The following EPHA4 variants were observed in gnomAD, a reference collection of about 807,000 sequenced individuals.
EPHA4 encodes ephrin type-A receptor 4.
EPHA4 carries 19 observed loss-of-function variants against 108.3 expected under a neutral mutation model. That is an observed-to-expected ratio of 0.18 (90% CI 0.12 to 0.26). EPHA4 has a LOEUF of 0.26. Among genes scored for constraint, EPHA4 ranks in the 10% least tolerant of loss-of-function variants. The pLI, the probability that EPHA4 is intolerant of heterozygous loss-of-function variation, is 1.00. For synonymous variants in EPHA4, 449 were observed against 455.5 expected (o/e 0.99, Z 0.18); for missense variants, 917 against 1,254.0 (o/e 0.73, Z 4.06).
At chr2:221,511,640 A>G (rs879288202) in intron 3 of EPHA4, among the ~76,000 whole-genome samples, 5 of 152,204 alleles carry the variant, frequency 3.3e-5, no homozygotes, top group Non-Finnish European at 5.9e-5. Context: ...TGCTCAATTA[A>G]GCTCCTTTAA....
chr2:221,506,844 T>C (rs531494076), intron 3 of EPHA4, among the ~76,000 whole-genome samples: 1 of 152,328 alleles, frequency 6.6e-6, no homozygotes, highest in South Asian at 2.1e-4. Flanking sequence ...AAACAAATTT[T>C]TACAATTATT....
Position 221,443,778 on chromosome 2 carries a change from T to A in EPHA4, c.1775-172A>T, listed in dbSNP as rs146352287. ...GGTTTTCATTAGTGGGTAAACAAAA[T>A]ATTGTTAGCTACTTAAGAGGCTGCA... On this transcript the variant is annotated intron_variant, in intron 9 of 17. Coordinates refer to ENST00000281821, the MANE Select transcript of EPHA4 (RefSeq NM_004438.5). Among the ~76,000 whole-genome samples, 321 of 152,298 alleles carry A rather than the reference T, an allele frequency of 2.1e-3. 1 individual carries two copies. The highest frequency in any genetic ancestry group is 7.3e-3 in the African/African-American group (303 of 41,552).
intron 5 of EPHA4, among the ~76,000 whole-genome samples, chr2:221,465,462 T>G (rs536592761): frequency 6.6e-6 from 1 of 152,204 alleles, no homozygotes; most frequent in Non-Finnish European, 1.5e-5. Context: ...TCACGTTAAT[T>G]GTTTGCATAG....
rs139995231 is a variant in EPHA4, at chr2:221,423,327, G to A, written c.*819+1882C>T. 3.3e-3 allele frequency among the ~76,000 whole-genome samples: 509 copies of A among 152,246 alleles called. 1 individual carries two copies. The highest frequency in any genetic ancestry group is 6.2e-3 in the Non-Finnish European group (425 of 68,016). ...TTGGCTTTAGAATCCATAGCTGTCC[G>A]GATGCCAGAGTCTGGCTCTGCGCCC... On this transcript the variant is annotated intron_variant, in intron 17 of 17. Coordinates refer to ENST00000281821, the MANE Select transcript of EPHA4 (RefSeq NM_004438.5).
intron 7 of EPHA4, 119 bp downstream of exon 7, chr2:221,456,494 C>T (rs774972432): frequency 5.2e-6 from 5 of 955,132 alleles, no homozygotes; most frequent in Non-Finnish European, 6.1e-6. Context: ...ATATTCATTG[C>T]AGCAAAATGT....
At chr2:221,513,410 A>C (rs1174918954) in intron 3 of EPHA4, among the ~76,000 whole-genome samples, 1 of 152,240 alleles carries the variant, frequency 6.6e-6, no homozygotes, top group Non-Finnish European at 1.5e-5. Flanking sequence ...ATTGTCATCC[A>C]AACGACTTTA....
chr2:221,518,997 A>G (rs566226613), intron 3 of EPHA4, among the ~76,000 whole-genome samples: 1 of 152,304 alleles, frequency 6.6e-6, no homozygotes, highest in East Asian at 1.9e-4. Flanking sequence ...GAGGAAAGAT[A>G]GCAGTAAAGG....
In EPHA4 at chr2:221,430,114, G is replaced by A. The variant is rs1690027812; in HGVS notation, c.2534C>T (p.Pro845Leu). 1 of 1,611,436 alleles carries A rather than the reference G, an allele frequency of 6.2e-7. No homozygotes were observed. The highest frequency in any genetic ancestry group is 1.3e-5 in the African/African-American group (1 of 74,870). Reference protein sequence around the residue: ...KAIEEGYRLPPPMDCPIALHQ... With the variant: ...KAIEEGYRLPLPMDCPIALHQ... ...GAGCGCAATGGGGCAGTCCATTGGA[G>A]GGGGTAACCGATAGCCTTCCTCAAT... The change falls in exon 15 of 18, where the codon CCT becomes CTT. Residue 845 changes from proline (P) to leucine (L), a missense_variant. Physicochemically the swap from Pro to Leu is moderately conservative, Grantham distance 98 (BLOSUM62 -3). Transcript: ENST00000281821.
intron 3 of EPHA4, among the ~76,000 whole-genome samples, chr2:221,511,368 C>T (rs1441566112): frequency 2.6e-5 from 4 of 152,134 alleles, no homozygotes; most frequent in Admixed American, 6.5e-5. Context: ...TGGCCAATCC[C>T]GGCAGCCATG....
chr2:221,436,386 CG>C lies in EPHA4; in HGVS notation c.2346+12del, dbSNP rs758405151. The C allele has an allele frequency of 6.2e-7, 1 of 1,612,590 alleles. No individual in the cohort carries two copies. The highest frequency in any genetic ancestry group is 1.7e-5 in the Admixed American group (1 of 60,020). On this transcript the variant is annotated intron_variant, in intron 13 of 17. Transcript: ENST00000281821. ...ACCAGAGTGAAAGCCCAGATGTCAC[CG>C]ATCTTTCTTACCCTGGTGGTGTAAG... is the stretch of plus-strand genomic sequence containing the variant.
At chr2:221,473,795 C>T (rs1015544823) in intron 5 of EPHA4, among the ~76,000 whole-genome samples, 2 of 152,014 alleles carry the variant, frequency 1.3e-5, no homozygotes, top group Non-Finnish European at 1.5e-5. Context: ...CAGCCAGGCA[C>T]TTATTTTTTA....
chr2:221,446,016 T>C (rs1055375038), intron 9 of EPHA4, 107 bp downstream of exon 9: 13 of 512,504 alleles, frequency 2.5e-5, no homozygotes, highest in Non-Finnish European at 6.2e-6. Flanking sequence ...ATAAATATAT[T>C]ATATTATATA....
At chr2:221,477,921 G>A (rs1177110189) in intron 5 of EPHA4, among the ~76,000 whole-genome samples, 1 of 152,114 alleles carries the variant, frequency 6.6e-6, no homozygotes, top group Non-Finnish European at 1.5e-5. Flanking sequence ...ACAGATGTTT[G>A]TTTGTCACTA....
chr2:221,438,889 C>T lies in EPHA4; in HGVS notation c.2075-1767G>A, dbSNP rs533008543. On this transcript the variant is annotated intron_variant, in intron 11 of 17. Transcript: ENST00000281821. ...TGAACTATTTCACCGCTGAAAAGCACCCATAATTATTCTAAAGAAATACAT... is the reference window on the plus strand; with the variant it reads ...TGAACTATTTCACCGCTGAAAAGCATCCATAATTATTCTAAAGAAATACAT... 5.3e-3 allele frequency among the ~76,000 whole-genome samples: 814 copies of T among 152,254 alleles called. 5 individuals carry two copies. The highest frequency in any genetic ancestry group is 0.019 in the African/African-American group (774 of 41,544).
At chr2:221,437,315 C>G in intron 11 of EPHA4, 193 bp from the exon 12 acceptor site, 1 of 493,000 alleles carries the variant, frequency 2.0e-6, no homozygotes, top group Non-Finnish European at 3.6e-6. Flanking sequence ...GGTTTAAATT[C>G]CATCTGGATA....
chr2:221,526,542 TA>T (rs140593891), intron 3 of EPHA4, among the ~76,000 whole-genome samples: 5,912 of 143,928 alleles, frequency 0.041, 214 homozygotes, highest in Admixed American at 0.08. Context: ...CAATCTAGTG[TA>T]AAAAAAAAAA....
chr2:221,424,670 C>T (rs1401791138), intron 17 of EPHA4, among the ~76,000 whole-genome samples: 1 of 152,188 alleles, frequency 6.6e-6, no homozygotes. Flanking sequence ...TTCCAAGTCT[C>T]ACCACTGGCA....
intron 4 of EPHA4, among the ~76,000 whole-genome samples, chr2:221,495,857 G>GAT (rs1337440574): frequency 6.6e-6 from 1 of 152,170 alleles, no homozygotes; most frequent in Non-Finnish European, 1.5e-5. Context: ...ATGAGGCTCA[G>GAT]ATAGTGTGTT....
intron 7 of EPHA4, among the ~76,000 whole-genome samples, chr2:221,455,956 T>C (rs1454344236): frequency 6.6e-6 from 1 of 152,206 alleles, no homozygotes; most frequent in Non-Finnish European, 1.5e-5. Flanking sequence ...TTTATTCTTA[T>C]TTAATAATTT....
Sources: gnomAD v4.1 joint callset for allele counts (sites outside exome capture counted in the v4.1 genomes callset) on GRCh38, gnomAD v4.1.1 for gene constraint, MANE v1.5 for transcripts, NCBI Gene and HGNC (gene_info 2026-07-23, HGNC 2026-07-21) for gene names.